Variants in ADAMTS18 observed in about 807,000 individuals in gnomAD.
ADAMTS18 encodes the protein A disintegrin and metalloproteinase with thrombospondin motifs 18.
A neutral mutation model predicts 165.9 loss-of-function variants in ADAMTS18; 157 were observed. That is an observed-to-expected ratio of 0.95 (90% CI 0.83 to 1.08). The LOEUF is 1.08. Among genes scored for constraint, ADAMTS18 ranks in the 50% least tolerant of loss-of-function variants. The probability of loss-of-function intolerance (pLI) is 0.00; values close to 1 mark genes in which losing one functional copy is unlikely to be tolerated. For synonymous variants in ADAMTS18, 782 were observed against 578.2 expected (o/e 1.35, Z -5.06); for missense variants, 2,040 against 1,534.0 (o/e 1.33, Z -5.51).
chr16:77,319,944 G>T lies in ADAMTS18; in HGVS notation c.2437C>A (p.Pro813Thr), dbSNP rs770234947. 6 of 1,614,196 alleles carry T rather than the reference G, an allele frequency of 3.7e-6. No individual in the cohort carries two copies. The South Asian group carries it at 5.5e-5, about 15-fold the overall frequency. The change falls in exon 16 of 23, where the codon CCC (proline) becomes ACC (threonine). Residue 813 changes from proline to threonine, a missense_variant. Physicochemically the swap from Pro to Thr is conservative, Grantham distance 38. Transcript: ENST00000282849. The stretch of plus-strand genomic sequence containing the variant: ...TATTCAAACGTGGTCCCAGCGAAGG[G>T]GAACTCCCCAGGCCAGTCGATGCTC... Reference protein sequence around the residue: ...GWSIDWPGEFPFAGTTFEYQR... With the variant: ...GWSIDWPGEFTFAGTTFEYQR...
intron 15 of ADAMTS18, 91 bp from the exon 16 acceptor site, chr16:77,320,184 A>G (rs1312431915): frequency 4.0e-6 from 6 of 1,490,690 alleles, no homozygotes; most frequent in Admixed American, 1.7e-5. Flanking sequence ...GTTCAGTTTT[A>G]TAGAGTGAGG....
At chr16:77,363,662 T>A in intron 6 of ADAMTS18, 140 bp downstream of exon 6, 1 of 659,366 alleles carries the variant, frequency 1.5e-6, no homozygotes, top group South Asian at 2.0e-5. Context: ...CTTTTAAAAT[T>A]GTACTTTGAG....
intron 16 of ADAMTS18, among the ~76,000 whole-genome samples, chr16:77,311,142 G>A (rs988892090): frequency 1.3e-5 from 2 of 152,178 alleles, no homozygotes; most frequent in African/African-American, 2.4e-5. Context: ...GCATCCTCAC[G>A]TGTTGTGGAA....
Position 77,353,788 on chromosome 16 carries a change from T to C in ADAMTS18, c.1559A>G (p.Gln520Arg). 1 of 1,614,146 alleles carries C rather than the reference T, an allele frequency of 6.2e-7. No individual in the cohort carries two copies. Among genetic ancestry groups the C allele is most frequent in the Non-Finnish European group, 8.5e-7 (1 of 1,180,010 alleles). ...LPGQIYDADT[Q>R]CKWQFGAKAK... is the part of the protein sequence containing the mutation. ...TTTTGCTCCAAATTGCCATTTACAC[T>C]GTGTGTCAGCATCATAAATCTGTCC... The change falls in exon 10 of 23, where the codon CAG becomes CGG. Residue 520 changes from glutamine (Q) to arginine (R), a missense_variant. By Grantham distance (43) the Gln-to-Arg change is conservative (BLOSUM62 1). Coordinates refer to ENST00000282849, the MANE Select transcript of ADAMTS18 (RefSeq NM_199355.4).
chr16:77,416,164 C>G (rs1162864550), intron 3 of ADAMTS18, among the ~76,000 whole-genome samples: 1 of 152,040 alleles, frequency 6.6e-6, no homozygotes, highest in Non-Finnish European at 1.5e-5. Flanking sequence ...GCATAGGGAA[C>G]TGAGGGAAGA....
Position 77,350,328 on chromosome 16 carries a change from G to A in ADAMTS18, c.1614+3405C>T, listed in dbSNP as rs563532488. ...GAGGATGGGGATGAGTGATCCAAAA[G>A]AGCCAGCCCCAGAGCCTTTACCAGG... On this transcript the variant is annotated intron_variant, in intron 10 of 22. Coordinates refer to ENST00000282849, the MANE Select transcript of ADAMTS18 (RefSeq NM_199355.4). 1.3e-4 allele frequency among the ~76,000 whole-genome samples: 20 copies of A among 152,292 alleles called. No homozygotes were observed. The South Asian group carries it at 3.5e-3, about 27-fold the overall frequency.
At chr16:77,364,149 T>C (rs183073726) in intron 5 of ADAMTS18, 39 bp downstream of exon 5, 7 of 1,612,910 alleles carry the variant, frequency 4.3e-6, no homozygotes, top group Middle Eastern at 1.7e-4. Flanking sequence ...ACATTTATTT[T>C]CTTTGGAGAG....
chr16:77,417,351 A>C (rs2057543795), intron 3 of ADAMTS18, among the ~76,000 whole-genome samples: 1 of 152,120 alleles, frequency 6.6e-6, no homozygotes, highest in African/African-American at 2.4e-5. Flanking sequence ...AGAAAAAGAA[A>C]TGTCAAGTTG....
At chr16:77,382,938 T>C (rs543124638) in intron 3 of ADAMTS18, among the ~76,000 whole-genome samples, 44 of 152,296 alleles carry the variant, frequency 2.9e-4, no homozygotes, top group South Asian at 1.9e-3. Context: ...CTACCTCATA[T>C]CCATGTAAGT....
At position 77,370,665 on chromosome 16, in the gene ADAMTS18, G is replaced by T. The variant is rs988642411; in HGVS notation, c.496-2942C>A. Among the ~76,000 whole-genome samples the T allele has an allele frequency of 2.0e-5, 3 of 152,010 alleles. No homozygotes were observed. The South Asian group carries it at 6.2e-4, about 31-fold the overall frequency. On this transcript the variant is annotated intron_variant, in intron 3 of 22. Coordinates refer to ENST00000282849, the MANE Select transcript of ADAMTS18 (RefSeq NM_199355.4). ...CTCAGGAGGCTGAGACAGGAGAATC[G>T]CTTGAACTCAGGAGGCGGAGGTTAC...
At chr16:77,407,193 C>T (rs1305437427) in intron 3 of ADAMTS18, among the ~76,000 whole-genome samples, 1 of 151,946 alleles carries the variant, frequency 6.6e-6, no homozygotes, top group South Asian at 2.1e-4. Context: ...TTTATTTATA[C>T]CTATCTGTAG....
chr16:77,373,585 G>T (rs2056907907), intron 3 of ADAMTS18, among the ~76,000 whole-genome samples: 1 of 152,104 alleles, frequency 6.6e-6, no homozygotes, highest in South Asian at 2.1e-4. Flanking sequence ...GGAGATGAGG[G>T]ATAAAAGTGT....
At chr16:77,380,886 T>C (rs169284) in intron 3 of ADAMTS18, among the ~76,000 whole-genome samples, 55,388 of 152,010 alleles carry the variant, frequency 0.36, 10,716 homozygotes, top group Non-Finnish European at 0.44. Flanking sequence ...TTTTATTTTA[T>C]TTATTGAGAC....
intron 11 of ADAMTS18, among the ~76,000 whole-genome samples, chr16:77,337,962 G>A (rs1270770754): frequency 6.8e-6 from 1 of 147,874 alleles, no homozygotes; most frequent in African/African-American, 2.5e-5. Context: ...GGAATGCAGT[G>A]GTGCGATCTC....
At chr16:77,333,039 AC>A (rs1035122531) in intron 12 of ADAMTS18, among the ~76,000 whole-genome samples, 2 of 152,140 alleles carry the variant, frequency 1.3e-5, no homozygotes, top group African/African-American at 2.4e-5. Context: ...TGCCGGCCAA[AC>A]TTTTCTGTTC....
chr16:77,378,178 C>G (rs180911371), intron 3 of ADAMTS18, among the ~76,000 whole-genome samples: 2,105 of 151,796 alleles, frequency 0.014, 46 homozygotes, highest in African/African-American at 0.047. Context: ...AAATGTTAGC[C>G]AGGTGTGTGT....
At chr16:77,408,177 G>C (rs1454220193) in intron 3 of ADAMTS18, among the ~76,000 whole-genome samples, 1 of 152,092 alleles carries the variant, frequency 6.6e-6, no homozygotes, top group Non-Finnish European at 1.5e-5. Flanking sequence ...GCATACTCTA[G>C]ATTAAACTTT....
At position 77,353,765 on chromosome 16, in the gene ADAMTS18, T is replaced by C. The variant is rs1033239349; in HGVS notation, c.1582A>G (p.Lys528Glu). The C allele has an allele frequency of 6.2e-7, 1 of 1,614,060 alleles. No homozygotes were observed. Among genetic ancestry groups the C allele is most frequent in the African/African-American group, 1.3e-5 (1 of 74,942 alleles). Residue 528 changes from lysine (K) to glutamate (E), a missense_variant, in exon 10 of 23, where the codon AAA becomes GAA. By Grantham distance (56) the Lys-to-Glu change is moderately conservative. Transcript: ENST00000282849. ...DTQCKWQFGA[K>E]AKLCSLGFVK... ...AAACCAAGGCTGCATAACTTGGCTTTTGCTCCAAATTGCCATTTACACTGT... is the reference window on the plus strand; with the variant it reads ...AAACCAAGGCTGCATAACTTGGCTTCTGCTCCAAATTGCCATTTACACTGT...
chr16:77,425,139 C>G (rs953164058), intron 3 of ADAMTS18, among the ~76,000 whole-genome samples: 1 of 152,160 alleles, frequency 6.6e-6, no homozygotes, highest in Admixed American at 6.5e-5. Flanking sequence ...CCCAGGCTCT[C>G]TGGAGAATGG....
Sources: allele counts gnomAD v4.1 joint callset (sites outside exome capture counted in the v4.1 genomes callset), GRCh38; gene constraint gnomAD v4.1.1; transcripts MANE v1.5; gene names NCBI Gene and HGNC (gene_info 2026-07-23, HGNC 2026-07-21).